The following SH3GL2 variants were observed in gnomAD, a reference collection of about 807,000 sequenced individuals.
SH3GL2 encodes the protein SH3 domain containing GRB2 like 2, endophilin A1.
Under a neutral mutation model 46.0 loss-of-function variants are expected in SH3GL2, and 24 were observed. The observed-to-expected ratio is 0.52, with a 90% CI of 0.38 to 0.73. The LOEUF is 0.73. SH3GL2 is among the 30% of genes least tolerant of loss of function. The pLI is 0.00. For missense variants in SH3GL2, 413 were observed against 424.2 expected (o/e 0.97, Z 0.23); for synonymous variants, 196 against 147.1 (o/e 1.33, Z -2.40).
chr9:17,644,446 C>A lies in SH3GL2; in HGVS notation c.45+65159C>A, dbSNP rs577802271. Among the ~76,000 whole-genome samples, 3 of 152,314 alleles carry A rather than the reference C, an allele frequency of 2.0e-5. No homozygotes were observed. In the East Asian group the frequency reaches 5.8e-4, roughly 29 times the overall value. On this transcript the variant is annotated intron_variant, in intron 1 of 8. Coordinates refer to ENST00000380607, the MANE Select transcript of SH3GL2 (RefSeq NM_003026.5). ...GGGTGTTGATTTTAGATCTTTCCCT[C>A]TTTCTCCCGTGGGCATTTAGTGCTA...
At chr9:17,612,217 A>G (rs998503198) in intron 1 of SH3GL2, among the ~76,000 whole-genome samples, 7 of 152,206 alleles carry the variant, frequency 4.6e-5, no homozygotes, top group Admixed American at 3.9e-4. Flanking sequence ...CAGAAGGCAC[A>G]GAGGAACAGG....
intron 1 of SH3GL2, among the ~76,000 whole-genome samples, chr9:17,675,712 C>T (rs914470817): frequency 2.6e-5 from 4 of 152,118 alleles, no homozygotes; most frequent in African/African-American, 4.8e-5. Flanking sequence ...TCTGAGAGGC[C>T]GAGGCGGGAG....
At chr9:17,671,851 T>A (rs1460894846) in intron 1 of SH3GL2, among the ~76,000 whole-genome samples, 1 of 152,204 alleles carries the variant, frequency 6.6e-6, no homozygotes, top group Non-Finnish European at 1.5e-5. Context: ...AAGGACTTGA[T>A]TTCCTTGAGA....
rs942701172 is a variant in SH3GL2 at position 17,788,259 on chromosome 9, A to T, written c.465+746A>T. 3.3e-5 allele frequency among the ~76,000 whole-genome samples: 5 copies of T among 152,286 alleles called. No individual in the cohort carries two copies. In the South Asian group the frequency reaches 1.0e-3, roughly 32 times the overall value. On this transcript the variant is annotated intron_variant, in intron 5 of 8. Coordinates refer to ENST00000380607, the MANE Select transcript of SH3GL2 (RefSeq NM_003026.5). ...CAAGATTATAGAGTTAGTAAGTGAC[A>T]GACTGACCCTAAATCCAAAATAGAA...
In SH3GL2 at chr9:17,707,543, A is replaced by T. The variant is rs576216386; in HGVS notation, c.46-39523A>T. 2.6e-5 allele frequency among the ~76,000 whole-genome samples: 4 copies of T among 152,192 alleles called. No homozygotes were observed. The East Asian group carries it at 7.7e-4, about 29-fold the overall frequency. Reference sequence around the variant, plus strand: ...TGCTGTACTAACTTTGTGCTATGCAACTGTGCTGTACTAACTTTGTGCTAT... The same window carrying T: ...TGCTGTACTAACTTTGTGCTATGCATCTGTGCTGTACTAACTTTGTGCTAT... On this transcript the variant is annotated intron_variant, in intron 1 of 8. Coordinates refer to ENST00000380607, the MANE Select transcript of SH3GL2 (RefSeq NM_003026.5).
intron 1 of SH3GL2, among the ~76,000 whole-genome samples, chr9:17,580,769 C>G (rs1818263046): frequency 6.6e-6 from 1 of 152,182 alleles, no homozygotes; most frequent in African/African-American, 2.4e-5. Context: ...GGCAGGACTT[C>G]TTCGATATTA....
chr9:17,779,452 G>A (rs778025325), intron 3 of SH3GL2, among the ~76,000 whole-genome samples: 7 of 152,132 alleles, frequency 4.6e-5, no homozygotes, highest in Admixed American at 2.0e-4. Flanking sequence ...ATGAGAGCTC[G>A]GATAGGCTTT....
intron 2 of SH3GL2, 132 bp downstream of exon 2, chr9:17,747,266 C>T: frequency 1.8e-6 from 1 of 570,224 alleles, no homozygotes; most frequent in South Asian, 2.8e-5. Context: ...TTATTTAAAA[C>T]TACTTTTCAT....
At position 17,696,223 on chromosome 9, in the gene SH3GL2, G is replaced by A. The variant is rs1478129871; in HGVS notation, c.46-50843G>A. 2.0e-5 allele frequency among the ~76,000 whole-genome samples: 3 copies of A among 151,952 alleles called. No homozygotes were observed. In the East Asian group the frequency reaches 5.8e-4, roughly 29 times the overall value. ...TTAAAGAGAACATTTTTAAAATCTAGCTTTATAACTCAAGGATATTTTAAA... is the reference window on the plus strand; with the variant it reads ...TTAAAGAGAACATTTTTAAAATCTAACTTTATAACTCAAGGATATTTTAAA... On this transcript the variant is annotated intron_variant, in intron 1 of 8. Coordinates refer to ENST00000380607, the MANE Select transcript of SH3GL2 (RefSeq NM_003026.5).
chr9:17,579,231 G>T lies in SH3GL2; in HGVS notation c.-12G>T. The T allele has an allele frequency of 6.5e-7, 1 of 1,547,526 alleles. No homozygotes were observed. The highest frequency in any genetic ancestry group is 1.2e-5 in the South Asian group (1 of 84,450). On this transcript the variant is annotated 5_prime_UTR_variant, in exon 1 of 9. Transcript: ENST00000380607. ...CTCCCGCACAGCAGCCGCCAGCGCG[G>T]CCTCCTGCACCATGTCGGTGGCCGG...
At position 17,579,124 on chromosome 9, in the gene SH3GL2, T is replaced by A. The variant is rs530163927; in HGVS notation, c.-119T>A. ...GCTAGGCTCCGCGCCCTCGCGCCCA[T>A]AGCCCCGGCGGCGGCACGACCAGAG... is the stretch of plus-strand genomic sequence containing the variant. On this transcript the variant is annotated 5_prime_UTR_variant, in exon 1 of 9. Coordinates refer to ENST00000380607, the MANE Select transcript of SH3GL2 (RefSeq NM_003026.5). The A allele has an allele frequency of 2.9e-4, 173 of 602,924 alleles. No individual in the cohort carries two copies. In the African/African-American group the frequency reaches 3.0e-3, roughly 10 times the overall value. 37.3% of individuals were successfully genotyped at this position (602,924 alleles called of 1,614,324 possible). A position where few individuals can be genotyped will look rare whatever the true frequency, so the allele number is the denominator to read the frequency against.
chr9:17,774,953 C>G (rs1244258122), intron 3 of SH3GL2, among the ~76,000 whole-genome samples: 1 of 152,108 alleles, frequency 6.6e-6, no homozygotes, highest in Admixed American at 6.5e-5. Flanking sequence ...CTGATTCAAT[C>G]TTCTTACTAA....
At chr9:17,793,943 C>T (rs1156968637) in intron 8 of SH3GL2, among the ~76,000 whole-genome samples, 1 of 152,244 alleles carries the variant, frequency 6.6e-6, no homozygotes, top group Non-Finnish European at 1.5e-5. Context: ...CAAGCGGCTC[C>T]AGAAATGTGC....
chr9:17,674,874 G>A (rs4418424), intron 1 of SH3GL2, among the ~76,000 whole-genome samples: 82,814 of 151,946 alleles, frequency 0.55, 24,011 homozygotes, highest in African/African-American at 0.73. Flanking sequence ...CCAGGCCCGG[G>A]AAGTGTACAG....
chr9:17,619,663 G>A (rs1417609568), intron 1 of SH3GL2, among the ~76,000 whole-genome samples: 3 of 149,602 alleles, frequency 2.0e-5, no homozygotes, highest in Non-Finnish European at 4.4e-5. Context: ...GGCAACAAGA[G>A]TGAAACTCCA....
Position 17,662,660 on chromosome 9 carries a change from G to A in SH3GL2, c.45+83373G>A, listed in dbSNP as rs150268697. On this transcript the variant is annotated intron_variant, in intron 1 of 8. Coordinates refer to ENST00000380607, the MANE Select transcript of SH3GL2 (RefSeq NM_003026.5). Reference sequence around the variant, plus strand: ...AATTAACCTGTTTTCACATTTTGCAGCAGCACATGTAAAAATACATGCTTT... The same window carrying A: ...AATTAACCTGTTTTCACATTTTGCAACAGCACATGTAAAAATACATGCTTT... 2.0e-4 allele frequency among the ~76,000 whole-genome samples: 30 copies of A among 151,020 alleles called. No individual in the cohort carries two copies. In the East Asian group the frequency reaches 4.5e-3, roughly 23 times the overall value.
intron 1 of SH3GL2, chr9:17,590,199 G>C (rs900915648): frequency 4.6e-5 from 7 of 152,222 alleles, no homozygotes; most frequent in African/African-American, 1.7e-4. Context: ...ACAGTGGCTT[G>C]ATGGCTGAAT....
At chr9:17,645,263 G>A (rs1380480879) in intron 1 of SH3GL2, among the ~76,000 whole-genome samples, 3 of 139,310 alleles carry the variant, frequency 2.2e-5, no homozygotes, top group African/African-American at 8.1e-5. Flanking sequence ...TGGGTCTCCT[G>A]AATACAACAC....
chr9:17,674,142 A>G (rs1377086774), intron 1 of SH3GL2, among the ~76,000 whole-genome samples: 1 of 152,184 alleles, frequency 6.6e-6, no homozygotes, highest in Non-Finnish European at 1.5e-5. Flanking sequence ...AATGCAAATG[A>G]GAGTTAGTAA....
Sources: gnomAD v4.1 joint callset for allele counts (sites outside exome capture counted in the v4.1 genomes callset) on GRCh38, gnomAD v4.1.1 for gene constraint, MANE v1.5 for transcripts, NCBI Gene and HGNC (gene_info 2026-07-23, HGNC 2026-07-21) for gene names.